LUZP2: variants seen among roughly 807,000 people sequenced by gnomAD.
LUZP2 encodes leucine zipper protein 2.
A neutral mutation model predicts 51.6 loss-of-function variants in LUZP2; 52 were observed. The observed-to-expected ratio is 1.01, with a 90% CI of 0.81 to 1.27. LUZP2 has a LOEUF of 1.27. Among genes scored for constraint, LUZP2 ranks in the 50% most tolerant of loss-of-function variants. LUZP2 has a pLI of 0.00. For missense variants in LUZP2, 436 were observed against 395.4 expected, an observed-to-expected ratio of 1.10 and a Z score of -0.87; for synonymous variants, 154 against 137.3, an observed-to-expected ratio of 1.12 and a Z score of -0.85.
At position 24,576,020 on chromosome 11, in the gene LUZP2, T is replaced by C. The variant is rs146754263; in HGVS notation, c.62+78715T>C. On this transcript the variant is annotated intron_variant, in intron 1 of 11. Transcript: ENST00000336930. ...AATGTCATATATGTTATTTGTTACATATGTATGTAACAAATTGAATCAATG... is the reference window on the plus strand; with the variant it reads ...AATGTCATATATGTTATTTGTTACACATGTATGTAACAAATTGAATCAATG... Among the ~76,000 whole-genome samples, 1,381 of 152,286 alleles carry C rather than the reference T, an allele frequency of 9.1e-3. 9 individuals carry two copies. Among genetic ancestry groups the C allele is most frequent in the Middle Eastern group, 0.034 (10 of 294 alleles).
chr11:24,658,060 A>G (rs1399581548), intron 1 of LUZP2, among the ~76,000 whole-genome samples: 1 of 152,216 alleles, frequency 6.6e-6, no homozygotes. Context: ...TCTTCACAGA[A>G]TTGGAAATAA....
intron 1 of LUZP2, among the ~76,000 whole-genome samples, chr11:24,531,287 TG>T (rs1468426462): frequency 4.0e-5 from 6 of 150,804 alleles, no homozygotes; most frequent in African/African-American, 1.4e-4. Flanking sequence ...ATTTTTAAGA[TG>T]TTTAATTATA....
chr11:24,806,415 T>C (rs972266150), intron 5 of LUZP2, among the ~76,000 whole-genome samples: 2 of 152,188 alleles, frequency 1.3e-5, no homozygotes, highest in Admixed American at 1.3e-4. Flanking sequence ...ACCAACATTG[T>C]GCACATTTTT....
At chr11:24,894,157 T>G (rs1565067890) in intron 5 of LUZP2, among the ~76,000 whole-genome samples, 1 of 150,700 alleles carries the variant, frequency 6.6e-6, no homozygotes, top group Admixed American at 6.7e-5. Flanking sequence ...TTTTAACGAA[T>G]CTTTTCTAAA....
At chr11:25,042,986 T>G (rs1012915141) in intron 9 of LUZP2, among the ~76,000 whole-genome samples, 1 of 152,202 alleles carries the variant, frequency 6.6e-6, no homozygotes, top group African/African-American at 2.4e-5. Flanking sequence ...GAGCATGATC[T>G]GGTAGAATTA....
At chr11:25,061,028 AT>A (rs1415703736) in intron 10 of LUZP2, among the ~76,000 whole-genome samples, 1 of 152,134 alleles carries the variant, frequency 6.6e-6, no homozygotes, top group Non-Finnish European at 1.5e-5. Flanking sequence ...GTCTAATTTT[AT>A]TTTCCAATAA....
At chr11:24,525,978 T>C (rs1452514448) in intron 1 of LUZP2, among the ~76,000 whole-genome samples, 1 of 151,432 alleles carries the variant, frequency 6.6e-6, no homozygotes, top group Non-Finnish European at 1.5e-5. Flanking sequence ...CTTCTTATAA[T>C]CCATGATTTT....
At chr11:24,624,656 T>C (rs567923703) in intron 1 of LUZP2, among the ~76,000 whole-genome samples, 1 of 152,184 alleles carries the variant, frequency 6.6e-6, no homozygotes, top group Admixed American at 6.5e-5. Context: ...AAATGTATAG[T>C]TAAAGAAAGA....
At chr11:24,738,454 TG>T in intron 4 of LUZP2, 152 bp downstream of exon 4, 1 of 589,502 alleles carries the variant, frequency 1.7e-6, no homozygotes, top group Non-Finnish European at 3.0e-6. Context: ...GAATAGTACT[TG>T]GTCAGCTTTC....
intron 5 of LUZP2, among the ~76,000 whole-genome samples, chr11:24,898,609 C>T (rs1257713024): frequency 6.8e-6 from 1 of 146,492 alleles, no homozygotes; most frequent in Non-Finnish European, 1.5e-5. Flanking sequence ...TGCGACAGAG[C>T]AAGACTCTGT....
intron 1 of LUZP2, among the ~76,000 whole-genome samples, chr11:24,580,345 C>A (rs904200331): frequency 6.6e-6 from 1 of 152,038 alleles, no homozygotes; most frequent in Non-Finnish European, 1.5e-5. Context: ...AATAAAACAG[C>A]TGTGTATCAG....
chr11:24,616,271 C>T (rs1457991450), intron 1 of LUZP2, among the ~76,000 whole-genome samples: 1 of 151,854 alleles, frequency 6.6e-6, no homozygotes, highest in Non-Finnish European at 1.5e-5. Flanking sequence ...CTCTGCGTAG[C>T]CATAGATCCA....
chr11:25,007,266 C>A (rs1856858657), intron 9 of LUZP2, among the ~76,000 whole-genome samples: 1 of 152,086 alleles, frequency 6.6e-6, no homozygotes, highest in Non-Finnish European at 1.5e-5. Flanking sequence ...ATTATAGAAA[C>A]AACTCAAACA....
At chr11:24,545,031 A>C (rs1458193550) in intron 1 of LUZP2, among the ~76,000 whole-genome samples, 2 of 151,954 alleles carry the variant, frequency 1.3e-5, no homozygotes, top group Non-Finnish European at 2.9e-5. Context: ...CATTTCTCTA[A>C]TGATCAGTGA....
intron 5 of LUZP2, among the ~76,000 whole-genome samples, chr11:24,836,794 A>G (rs1467224656): frequency 6.6e-6 from 1 of 151,850 alleles, no homozygotes; most frequent in Non-Finnish European, 1.5e-5. Flanking sequence ...AGTCTGGAAC[A>G]TTTCACAATA....
At chr11:24,514,170 G>C (rs1850394305) in intron 1 of LUZP2, among the ~76,000 whole-genome samples, 1 of 152,188 alleles carries the variant, frequency 6.6e-6, no homozygotes, top group Non-Finnish European at 1.5e-5. Flanking sequence ...TGATTGGTGG[G>C]AGAGAAATCC....
chr11:24,821,896 AG>A (rs1735504288), intron 5 of LUZP2, among the ~76,000 whole-genome samples: 1 of 150,188 alleles, frequency 6.7e-6, no homozygotes, highest in Non-Finnish European at 1.5e-5. Context: ...TATATTTAAA[AG>A]CTTCTGATTT....
At chr11:24,563,359 AATTT>A (rs1340146209) in intron 1 of LUZP2, among the ~76,000 whole-genome samples, 1 of 152,204 alleles carries the variant, frequency 6.6e-6, no homozygotes, top group Non-Finnish European at 1.5e-5. Context: ...ATGTAAAATC[AATTT>A]ATTAAATAAC....
At chr11:24,825,975 G>A (rs1850513137) in intron 5 of LUZP2, among the ~76,000 whole-genome samples, 1 of 151,484 alleles carries the variant, frequency 6.6e-6, no homozygotes, top group Non-Finnish European at 1.5e-5. Context: ...CACGAGGTCA[G>A]GAGATCGAGA....
Sources: allele counts gnomAD v4.1 joint callset (sites outside exome capture counted in the v4.1 genomes callset), GRCh38; gene constraint gnomAD v4.1.1; transcripts MANE v1.5; gene names NCBI Gene and HGNC (gene_info 2026-07-23, HGNC 2026-07-21).